Variants in DMD observed in about 807,000 individuals in gnomAD.
DMD encodes dystrophin, also known as mutant dystrophin.
DMD carries 63 observed loss-of-function variants against 330.1 expected under a neutral mutation model. That is an observed-to-expected ratio of 0.19 (90% confidence interval 0.16 to 0.24). The LOEUF (loss-of-function observed/expected upper bound fraction) is 0.24, where lower values mean the gene tolerates loss of function less well. DMD is among the 10% of genes least tolerant of loss of function. The pLI is 1.00. For synonymous variants in DMD, 1,223 were observed against 959.8 expected (o/e 1.27, Z -5.07); for missense variants, 3,344 against 2,684.1 (o/e 1.25, Z -5.43).
At chrX:33,118,177 C>A (rs1343450144) in intron 1 of DMD, among the ~76,000 whole-genome samples, 1 of 101,380 alleles carries the variant, frequency 9.9e-6, no homozygotes, top group East Asian at 3.2e-4. Flanking sequence ...GTGGCGCGAT[C>A]TCGGCTCACT....
chrX:33,106,210 C>CT (rs1314004168), intron 1 of DMD, among the ~76,000 whole-genome samples: 1 of 110,382 alleles, frequency 9.1e-6, no homozygotes, highest in Non-Finnish European at 1.9e-5. Context: ...TGTGTTCTCA[C>CT]TTATAATGGG....
At chrX:32,423,500 G>A (rs1276377243) in intron 29 of DMD, among the ~76,000 whole-genome samples, 2 of 110,198 alleles carry the variant, frequency 1.8e-5, no homozygotes, top group African/African-American at 6.6e-5. Flanking sequence ...ATACATGCAA[G>A]TATATATATG....
chrX:33,217,892 T>A (rs1056912806), intron 1 of DMD, among the ~76,000 whole-genome samples: 1 of 111,402 alleles, frequency 9.0e-6, no homozygotes, highest in East Asian at 2.8e-4. Flanking sequence ...GGAGACAGTA[T>A]AACTTTTCCT....
chrX:31,437,514 C>T (rs1159498614), intron 60 of DMD, among the ~76,000 whole-genome samples: 1 of 110,826 alleles, frequency 9.0e-6, no homozygotes, highest in African/African-American at 3.3e-5. Context: ...ACTTTTAGGC[C>T]AATGCTATCC....
intron 47 of DMD, among the ~76,000 whole-genome samples, chrX:31,901,393 T>A (rs2094420164): frequency 8.9e-6 from 1 of 111,884 alleles, no homozygotes; most frequent in Non-Finnish European, 1.9e-5. Context: ...GTACTGCAAA[T>A]TCTACTTCAG....
At chrX:31,777,395 A>G (rs17340949) in intron 50 of DMD, among the ~76,000 whole-genome samples, 13,056 of 110,674 alleles carry the variant, frequency 0.12, 572 homozygotes, top group East Asian at 0.18. Context: ...AGCAGGAAAT[A>G]GCTCTGAATC....
intron 1 of DMD, among the ~76,000 whole-genome samples, chrX:33,065,050 A>G: frequency 8.9e-6 from 1 of 112,008 alleles, no homozygotes; most frequent in Middle Eastern, 4.6e-3. Flanking sequence ...TAACATGGAA[A>G]AAGTGCTAAC....
chrX:32,336,102 G>A (rs401050), intron 41 of DMD, among the ~76,000 whole-genome samples: 3 of 107,930 alleles, frequency 2.8e-5, no homozygotes, highest in Non-Finnish European at 5.8e-5. Context: ...GTGTGTATAC[G>A]TACATGTTAT....
chrX:31,552,918 AGTAGTAGTAGTG>A (rs1211909757), intron 55 of DMD, among the ~76,000 whole-genome samples: 1 of 111,687 alleles, frequency 9.0e-6, no homozygotes, highest in African/African-American at 3.3e-5. Flanking sequence ...TGCTATTTGT[AGTAGTAGTAGTG>A]GTAGTAGTAG....
chrX:32,656,768 CA>C (rs1346640205), intron 9 of DMD, among the ~76,000 whole-genome samples: 1 of 111,684 alleles, frequency 9.0e-6, no homozygotes, highest in African/African-American at 3.3e-5. Flanking sequence ...GCACAGTACA[CA>C]GATAATAAAT....
At chrX:32,144,884 A>T (rs756287970) in intron 44 of DMD, among the ~76,000 whole-genome samples, 13 of 110,817 alleles carry the variant, frequency 1.2e-4, no homozygotes, top group Admixed American at 3.9e-4. Flanking sequence ...AATACAAAAA[A>T]TTAGCCAGGC....
intron 50 of DMD, among the ~76,000 whole-genome samples, chrX:31,819,126 T>C (rs577904547): frequency 8.9e-6 from 1 of 112,028 alleles, no homozygotes; most frequent in Non-Finnish European, 1.9e-5. Context: ...TTCTGGCCTC[T>C]TTCCCCTGAG....
At chrX:31,872,640 T>C (rs1179007946) in intron 48 of DMD, among the ~76,000 whole-genome samples, 2 of 111,940 alleles carry the variant, frequency 1.8e-5, no homozygotes, top group Non-Finnish European at 3.8e-5. Context: ...AAGAGTAGAA[T>C]GTGCTTTTAC....
chrX:33,177,116 T>C (rs764586989), intron 1 of DMD, among the ~76,000 whole-genome samples: 1 of 110,931 alleles, frequency 9.0e-6, no homozygotes, highest in African/African-American at 3.3e-5. Flanking sequence ...TTGTGGCAAA[T>C]GGGTTGGACT....
chrX:31,713,444 T>C (rs2084795032), intron 52 of DMD, among the ~76,000 whole-genome samples: 1 of 111,897 alleles, frequency 8.9e-6, no homozygotes, highest in Non-Finnish European at 1.9e-5. Context: ...ATTTATGCTT[T>C]ATATCCAAGT....
intron 2 of DMD, among the ~76,000 whole-genome samples, chrX:32,947,256 A>C (rs1317778592): frequency 8.9e-6 from 1 of 112,181 alleles, no homozygotes; most frequent in Non-Finnish European, 1.9e-5. Context: ...AAGTTTTAGA[A>C]AGCACATACA....
chrX:32,173,684 C>A (rs2096896505), intron 44 of DMD, among the ~76,000 whole-genome samples: 1 of 111,712 alleles, frequency 9.0e-6, no homozygotes, highest in Admixed American at 9.5e-5. Context: ...TAAAAATTAT[C>A]TTATAAATAA....
chrX:32,673,597 A>G (rs1482689569), intron 9 of DMD, among the ~76,000 whole-genome samples: 1 of 111,947 alleles, frequency 8.9e-6, no homozygotes, highest in Admixed American at 9.5e-5. Context: ...GAGACAGGAG[A>G]GGCAGAATGT....
chrX:32,410,169 T>A (rs2147915991), intron 30 of DMD, among the ~76,000 whole-genome samples: 1 of 110,769 alleles, frequency 9.0e-6, no homozygotes, highest in Non-Finnish European at 1.9e-5. Flanking sequence ...CAAGACAAAT[T>A]AAAAATTGAA....
Sources: gnomAD v4.1 joint callset for allele counts (sites outside exome capture counted in the v4.1 genomes callset) on GRCh38, gnomAD v4.1.1 for gene constraint, MANE v1.5 for transcripts, NCBI Gene and HGNC (gene_info 2026-07-23, HGNC 2026-07-21) for gene names.